TGFBRAP1: variants seen among roughly 807,000 people sequenced by gnomAD.
TGFBRAP1 encodes transforming growth factor beta receptor associated protein 1.
Under a neutral mutation model 83.2 loss-of-function variants are expected in TGFBRAP1, and 20 were observed. That is an observed-to-expected ratio of 0.24 (90% CI 0.17 to 0.35). The LOEUF (loss-of-function observed/expected upper bound fraction) is 0.35, where lower values mean the gene tolerates loss of function less well. Ranked by LOEUF, TGFBRAP1 falls within the 10% of genes least tolerant of loss-of-function variation. The pLI, the probability that TGFBRAP1 is intolerant of heterozygous loss-of-function variation, is 1.00. For missense variants in TGFBRAP1, 950 were observed against 1,099.4 expected (o/e 0.86, Z 1.92); for synonymous variants, 415 against 459.8 (o/e 0.90, Z 1.25).
intron 1 of TGFBRAP1, among the ~76,000 whole-genome samples, chr2:105,313,036 C>T (rs1303014421): frequency 6.6e-6 from 1 of 152,022 alleles, no homozygotes; most frequent in Non-Finnish European, 1.5e-5. Flanking sequence ...CACTTGAACC[C>T]GGGAAGCGGA....
At chr2:105,251,703 G>C in the TGFBRAP1 span, among the ~76,000 whole-genome samples, 23 of 152,244 alleles carry the variant, frequency 1.5e-4, no homozygotes, top group African/African-American at 4.8e-4. Flanking sequence ...GAATAGAAAG[G>C]GGGGAAAGGT....
At chr2:105,293,294 A>T (rs1389199839) in intron 4 of TGFBRAP1, among the ~76,000 whole-genome samples, 1 of 152,232 alleles carries the variant, frequency 6.6e-6, no homozygotes. Flanking sequence ...ATAAAGCAAG[A>T]TGTCCCTTTA....
intron 4 of TGFBRAP1, among the ~76,000 whole-genome samples, chr2:105,287,230 G>A (rs1677750469): frequency 6.6e-6 from 1 of 152,124 alleles, no homozygotes; most frequent in Non-Finnish European, 1.5e-5. Context: ...TTAGTGTTCG[G>A]TAGCACAGCG....
At chr2:105,292,670 G>C (rs1244289474) in intron 4 of TGFBRAP1, among the ~76,000 whole-genome samples, 1 of 151,856 alleles carries the variant, frequency 6.6e-6, no homozygotes, top group East Asian at 1.9e-4. Context: ...GAGGGAGAGA[G>C]AGAGAGAAAG....
At chr2:105,321,296 A>T (rs1293927445) in intron 1 of TGFBRAP1, among the ~76,000 whole-genome samples, 1 of 151,864 alleles carries the variant, frequency 6.6e-6, no homozygotes, top group East Asian at 1.9e-4. Flanking sequence ...CCTCCTGAGT[A>T]GCTGTGATTA....
At chr2:105,282,319 C>G (rs1194671098) in intron 5 of TGFBRAP1, among the ~76,000 whole-genome samples, 2 of 152,174 alleles carry the variant, frequency 1.3e-5, no homozygotes, top group East Asian at 1.9e-4. Context: ...GGAAGAGACA[C>G]AGAGCCCACA....
At position 105,267,575 on chromosome 2, in the gene TGFBRAP1, A is replaced by G. The variant is rs749905003; in HGVS notation, c.2407-16T>C. 61 of 1,614,064 alleles carry G rather than the reference A, an allele frequency of 3.8e-5. No individual in the cohort carries two copies. Among genetic ancestry groups the G allele is most frequent in the Non-Finnish European group, 5.2e-5 (61 of 1,179,932 alleles). On this transcript the variant is annotated splice_polypyrimidine_tract_variant and intron_variant, in intron 11 of 11. Transcript: ENST00000393359. ...TCAACTTCATCTGCAAGAAGAAACC[A>G]AGACTGAGAATGCTGTCATGTGTTA...
chr2:105,320,209 C>T (rs1197630867), intron 1 of TGFBRAP1, among the ~76,000 whole-genome samples: 1 of 152,176 alleles, frequency 6.6e-6, no homozygotes, highest in Non-Finnish European at 1.5e-5. Context: ...GAAACAGACT[C>T]TTCAGAAACC....
At position 105,300,419 on chromosome 2, in the gene TGFBRAP1, A is replaced by G. The variant is rs1383323798; in HGVS notation, c.689-1714T>C. On this transcript the variant is annotated intron_variant, in intron 2 of 11. Coordinates refer to ENST00000393359, the MANE Select transcript of TGFBRAP1 (RefSeq NM_004257.6). The stretch of plus-strand genomic sequence containing the variant: ...ATCCTAACACTACAACCAACATAGG[A>G]TAATGGAGTAAAATCTTTTTTTTTT... 2.0e-5 allele frequency among the ~76,000 whole-genome samples: 3 copies of G among 150,058 alleles called. No homozygotes were observed. The East Asian group carries it at 6.0e-4, about 30-fold the overall frequency.
intron 4 of TGFBRAP1, 71 bp downstream of exon 4, chr2:105,296,285 T>C (rs1678086359): frequency 2.5e-6 from 4 of 1,580,122 alleles, no homozygotes; most frequent in Non-Finnish European, 2.6e-6. Flanking sequence ...GGCCGATGCA[T>C]GTTAGTTAAA....
intron 8 of TGFBRAP1, among the ~76,000 whole-genome samples, chr2:105,274,203 C>T (rs1290252093): frequency 6.6e-6 from 1 of 152,140 alleles, no homozygotes; most frequent in East Asian, 1.9e-4. Context: ...TCTGAGCTTC[C>T]AGTCCCTGAG....
At chr2:105,290,354 G>A (rs1026206280) in intron 4 of TGFBRAP1, among the ~76,000 whole-genome samples, 4 of 152,180 alleles carry the variant, frequency 2.6e-5, no homozygotes, top group Middle Eastern at 3.4e-3. Flanking sequence ...GGCGTGAGTC[G>A]CTGCACCTGG....
At position 105,266,278 on chromosome 2, in the gene TGFBRAP1, C is replaced by T. The variant is rs773469728; in HGVS notation, c.*1105G>A. 2.6e-5 allele frequency: 4 copies of T among 152,236 alleles called. No homozygotes were observed. Among genetic ancestry groups the T allele is most frequent in the Non-Finnish European group, 5.9e-5 (4 of 68,062 alleles). The allele number at this position is 152,236 out of a possible 1,614,324, so 9.4% of individuals were successfully genotyped here. A position where few individuals can be genotyped will look rare whatever the true frequency, so the allele number is the denominator to read the frequency against. On this transcript the variant is annotated 3_prime_UTR_variant, in exon 12 of 12. Coordinates refer to ENST00000393359, the MANE Select transcript of TGFBRAP1 (RefSeq NM_004257.6). ...GCCATCCAGGAGGCGACACCCCCAT[C>T]CAGCACACGGGCCCTTCCACCCGCT...
chr2:105,272,760 A>C, intron 10 of TGFBRAP1, 95 bp downstream of exon 10: 63 of 1,495,840 alleles, frequency 4.2e-5, no homozygotes, highest in Non-Finnish European at 5.3e-5. Context: ...CTGTGCAATC[A>C]ACCAGCAGCT....
intron 2 of TGFBRAP1, among the ~76,000 whole-genome samples, chr2:105,299,914 C>A (rs1678225801): frequency 6.6e-6 from 1 of 152,190 alleles, no homozygotes; most frequent in African/African-American, 2.4e-5. Context: ...TCAACACCCA[C>A]AAACTAATTC....
At chr2:105,309,033 G>A (rs146490575) in intron 1 of TGFBRAP1, among the ~76,000 whole-genome samples, 369 of 152,358 alleles carry the variant, frequency 2.4e-3, no homozygotes, top group Middle Eastern at 0.024. Context: ...TTCAGATGGT[G>A]AGTGGAGCTA....
chr2:105,316,420 A>AGTGTGTGTGTGTGTGTGTGT (rs71393002), intron 1 of TGFBRAP1, among the ~76,000 whole-genome samples: 1 of 109,100 alleles, frequency 9.2e-6, no homozygotes, highest in African/African-American at 3.6e-5. Flanking sequence ...AGGTATAGGG[A>AGTGTGTGTGTGTGTGTGTGT]GTGTGTGTGT....
chr2:105,306,060 TGTTTTTTG>T (rs1274559735), intron 2 of TGFBRAP1, among the ~76,000 whole-genome samples: 22 of 112,316 alleles, frequency 2.0e-4, no homozygotes, highest in African/African-American at 7.5e-4. Context: ...TTTTGTTTTT[TGTTTTTTG>T]TTTTTTTTTT....
intron 1 of TGFBRAP1, among the ~76,000 whole-genome samples, chr2:105,316,128 C>T (rs1201018496): frequency 6.6e-6 from 1 of 151,954 alleles, no homozygotes. Context: ...AAGTAGGCCA[C>T]GCTAATCTAT....
Sources: allele counts gnomAD v4.1 joint callset (sites outside exome capture counted in the v4.1 genomes callset), GRCh38; gene constraint gnomAD v4.1.1; transcripts MANE v1.5; gene names NCBI Gene and HGNC (gene_info 2026-07-23, HGNC 2026-07-21).